The following RABGAP1L variants were observed in gnomAD, a reference collection of about 807,000 sequenced individuals.
RABGAP1L encodes the protein RAB GTPase activating protein 1 like, also known as rab GTPase-activating protein 1-like.
A neutral mutation model predicts 137.7 loss-of-function variants in RABGAP1L; 63 were observed. That is an observed-to-expected ratio of 0.46 (90% CI 0.37 to 0.56). RABGAP1L has a LOEUF of 0.56. RABGAP1L is among the 20% of genes least tolerant of loss of function. The pLI, the probability that RABGAP1L is intolerant of heterozygous loss-of-function variation, is 0.00. For synonymous variants in RABGAP1L, 431 were observed against 433.7 expected (o/e 0.99, Z 0.08); for missense variants, 1,095 against 1,244.0 (o/e 0.88, Z 1.80).
intron 10 of RABGAP1L, among the ~76,000 whole-genome samples, chr1:174,301,275 G>T (rs1174204830): frequency 2.0e-5 from 3 of 151,610 alleles, no homozygotes; most frequent in Non-Finnish European, 1.5e-5. Context: ...CAGCACCCAG[G>T]CAGGGGTGCT....
At chr1:174,264,513 C>T (rs1673884045) in intron 7 of RABGAP1L, among the ~76,000 whole-genome samples, 1 of 152,122 alleles carries the variant, frequency 6.6e-6, no homozygotes, top group Non-Finnish European at 1.5e-5. Flanking sequence ...TATTCAACAA[C>T]TTCAGATCTT....
rs192292103 is a variant in RABGAP1L at position 174,453,917 on chromosome 1, A to G, written c.1710+59772A>G. On this transcript the variant is annotated intron_variant, in intron 13 of 25. Coordinates refer to ENST00000681986, the MANE Select transcript of RABGAP1L (RefSeq NM_001366446.1). ...GACTATTTTGTTTTAATTTTTTACA[A>G]TGAGCATTGGTAAAAATTTCTTTTA... 3.7e-3 allele frequency among the ~76,000 whole-genome samples: 564 copies of G among 152,272 alleles called. 4 individuals are homozygous for G. Among genetic ancestry groups the G allele is most frequent in the Non-Finnish European group, 6.0e-3 (407 of 68,020 alleles).
chr1:174,322,444 A>G (rs941036174), intron 11 of RABGAP1L, among the ~76,000 whole-genome samples: 1 of 152,104 alleles, frequency 6.6e-6, no homozygotes, highest in African/African-American at 2.4e-5. Context: ...AGAATCTCCA[A>G]AAGCGCTCAC....
intron 19 of RABGAP1L, among the ~76,000 whole-genome samples, chr1:174,955,440 CTT>C (rs766937114): frequency 2.0e-5 from 3 of 152,150 alleles, no homozygotes; most frequent in Non-Finnish European, 4.4e-5. Context: ...CACCTGGAGT[CTT>C]TGTTTTTTAT....
chr1:174,814,684 T>C (rs977439515), intron 19 of RABGAP1L, among the ~76,000 whole-genome samples: 2 of 152,086 alleles, frequency 1.3e-5, no homozygotes, highest in African/African-American at 2.4e-5. Flanking sequence ...TTTTTTGTTC[T>C]ATTGTATTGT....
intron 19 of RABGAP1L, among the ~76,000 whole-genome samples, chr1:174,826,314 C>G (rs776538998): frequency 6.6e-6 from 1 of 152,078 alleles, no homozygotes; most frequent in Non-Finnish European, 1.5e-5. Context: ...TCACGCCTCT[C>G]GGGTTCAAGT....
chr1:174,637,794 G>T (rs940188140), intron 14 of RABGAP1L, among the ~76,000 whole-genome samples: 2 of 152,196 alleles, frequency 1.3e-5, no homozygotes, highest in Non-Finnish European at 2.9e-5. Context: ...AGATGACTCT[G>T]TCCTTCTGAC....
intron 19 of RABGAP1L, among the ~76,000 whole-genome samples, chr1:174,863,245 A>AAAAAAAAAG (rs960350309): frequency 6.6e-6 from 1 of 151,400 alleles, no homozygotes; most frequent in Non-Finnish European, 1.5e-5. Context: ...AAAAAAAAAA[A>AAAAAAAAAG]AAAGAAAAAC....
intron 13 of RABGAP1L, among the ~76,000 whole-genome samples, chr1:174,558,826 C>T (rs1005815781): frequency 6.6e-6 from 1 of 152,130 alleles, no homozygotes; most frequent in Admixed American, 6.6e-5. Context: ...ATGGTTCAGG[C>T]AGATACTTTC....
At chr1:174,601,604 C>A (rs148505444) in intron 13 of RABGAP1L, among the ~76,000 whole-genome samples, 2 of 151,918 alleles carry the variant, frequency 1.3e-5, no homozygotes, top group Non-Finnish European at 2.9e-5. Flanking sequence ...ATGTAACAAA[C>A]CTGCACATTG....
intron 1 of RABGAP1L, among the ~76,000 whole-genome samples, chr1:174,180,091 G>A (rs1316330158): frequency 6.6e-6 from 1 of 152,142 alleles, no homozygotes; most frequent in African/African-American, 2.4e-5. Context: ...ATTTCCATAA[G>A]GGATACCTTT....
intron 11 of RABGAP1L, among the ~76,000 whole-genome samples, chr1:174,326,279 C>A (rs917690397): frequency 2.0e-5 from 3 of 152,124 alleles, no homozygotes; most frequent in Admixed American, 1.3e-4. Context: ...CAAAATAGTT[C>A]TTTGAGTAAA....
chr1:174,268,640 G>A (rs1266835390), intron 7 of RABGAP1L, among the ~76,000 whole-genome samples: 1 of 152,046 alleles, frequency 6.6e-6, no homozygotes, highest in African/African-American at 2.4e-5. Context: ...AAAGGTAAAA[G>A]TTTTTAAAAA....
chr1:174,665,678 T>C, intron 14 of RABGAP1L, among the ~76,000 whole-genome samples: 1 of 152,234 alleles, frequency 6.6e-6, no homozygotes, highest in East Asian at 1.9e-4. Context: ...TTGGCCAGGC[T>C]GGTCTTGAAC....
chr1:174,464,207 G>A (rs1296714383), intron 13 of RABGAP1L, among the ~76,000 whole-genome samples: 1 of 152,040 alleles, frequency 6.6e-6, no homozygotes, highest in East Asian at 1.9e-4. Flanking sequence ...GTAAACCTTT[G>A]GGGTTTATTG....
At chr1:174,804,282 T>TTTTTTTTTTTGG (rs1689052635) in intron 18 of RABGAP1L, among the ~76,000 whole-genome samples, 1 of 143,146 alleles carries the variant, frequency 7.0e-6, no homozygotes. Flanking sequence ...TTGTTTTTTG[T>TTTTTTTTTTTGG]TTTTTTTTTT....
intron 19 of RABGAP1L, among the ~76,000 whole-genome samples, chr1:174,928,862 C>G (rs923004127): frequency 6.6e-6 from 1 of 152,004 alleles, no homozygotes; most frequent in African/African-American, 2.4e-5. Flanking sequence ...GAGTATCTCT[C>G]TGGCTGGCTG....
intron 13 of RABGAP1L, among the ~76,000 whole-genome samples, chr1:174,501,216 C>CTTTT (rs1371987716): frequency 1.4e-5 from 2 of 141,040 alleles, no homozygotes; most frequent in Admixed American, 7.1e-5. Flanking sequence ...TTTGTTTACT[C>CTTTT]TTTTTTTTTT....
intron 18 of RABGAP1L, among the ~76,000 whole-genome samples, chr1:174,769,743 C>A (rs1183727545): frequency 6.6e-6 from 1 of 152,048 alleles, no homozygotes; most frequent in East Asian, 1.9e-4. Context: ...GTCCCAGCGA[C>A]TCCAGAGGCT....
Sources: allele counts gnomAD v4.1 joint callset (sites outside exome capture counted in the v4.1 genomes callset), GRCh38; gene constraint gnomAD v4.1.1; transcripts MANE v1.5; gene names NCBI Gene and HGNC (gene_info 2026-07-23, HGNC 2026-07-21).